The following PLCE1 variants were observed in gnomAD, a reference collection of about 807,000 sequenced individuals.
PLCE1 encodes phospholipase C epsilon 1, also known as 1-phosphatidylinositol 4,5-bisphosphate phosphodiesterase epsilon-1.
Under a neutral mutation model 242.8 loss-of-function variants are expected in PLCE1, and 119 were observed. That is an observed-to-expected ratio of 0.49 (90% CI 0.42 to 0.57). The LOEUF (loss-of-function observed/expected upper bound fraction) is 0.57. Ranked by LOEUF, PLCE1 falls within the 20% of genes least tolerant of loss-of-function variation. The pLI, the probability that PLCE1 is intolerant of heterozygous loss-of-function variation, is 0.00. For synonymous variants in PLCE1, 945 were observed against 1,017.4 expected (o/e 0.93, Z 1.35); for missense variants, 2,441 against 2,788.8 (o/e 0.88, Z 2.81).
At chr10:94,001,511 G>T (rs2060929961) in intron 1 of PLCE1, among the ~76,000 whole-genome samples, 1 of 152,198 alleles carries the variant, frequency 6.6e-6, no homozygotes, top group Non-Finnish European at 1.5e-5. Flanking sequence ...CAGACATAAA[G>T]AGAGACTCTG....
chr10:94,204,639 C>G (rs2049088353), intron 4 of PLCE1, among the ~76,000 whole-genome samples: 1 of 151,508 alleles, frequency 6.6e-6, no homozygotes, highest in African/African-American at 2.4e-5. Flanking sequence ...TGCACTTCAG[C>G]CTGGGTGACA....
intron 16 of PLCE1, 65 bp downstream of exon 16, chr10:94,266,023 T>G: frequency 6.6e-7 from 1 of 1,522,760 alleles, no homozygotes; most frequent in Non-Finnish European, 9.1e-7. Context: ...ACCCCCAAAG[T>G]CAAAAAAACC....
intron 2 of PLCE1, chr10:94,099,675 A>G (rs890965984): frequency 6.6e-6 from 1 of 152,220 alleles, no homozygotes; most frequent in African/African-American, 2.4e-5. Flanking sequence ...TATTATATCA[A>G]TGGTTGAACA....
chr10:94,029,736 A>G (rs1172566766), intron 1 of PLCE1, among the ~76,000 whole-genome samples: 1 of 152,102 alleles, frequency 6.6e-6, no homozygotes, highest in Non-Finnish European at 1.5e-5. Context: ...CTTTGGGAAA[A>G]GAGGGTACGG....
chr10:94,071,240 G>A (rs936833417), intron 2 of PLCE1, among the ~76,000 whole-genome samples: 13 of 151,968 alleles, frequency 8.6e-5, no homozygotes, highest in Non-Finnish European at 1.6e-4. Flanking sequence ...TCCTGCTTCC[G>A]TGTCCCTCTC....
chr10:94,098,450 A>G (rs1277201529), intron 2 of PLCE1, among the ~76,000 whole-genome samples: 1 of 152,206 alleles, frequency 6.6e-6, no homozygotes, highest in Non-Finnish European at 1.5e-5. Flanking sequence ...TTTAATAAAT[A>G]GAGACTTCAT....
chr10:94,306,652 G>A lies in PLCE1; in HGVS notation c.5848G>A (p.Ala1950Thr). 6.2e-7 allele frequency: 1 copy of A among 1,614,060 alleles called. No homozygotes were observed. Among genetic ancestry groups the A allele is most frequent in the Non-Finnish European group, 8.5e-7 (1 of 1,179,930 alleles). The change falls in exon 26 of 33, where the codon GCT (alanine) becomes ACT (threonine). Residue 1950 changes from alanine to threonine, a missense_variant. Transcript: ENST00000371380. This position sits in a 1 kb window ranked among gnomAD's most constrained non-coding sequence, Gnocchi z 5.7. Reference protein sequence around the residue: ...VVENNSSAVTAQRIIPLKALK... With the variant: ...VVENNSSAVTTQRIIPLKALK... The stretch of plus-strand genomic sequence containing the variant: ...GGAAAACAATAGTTCAGCGGTAACT[G>A]CTCAGAGAATCATTCCACTGAAAGC...
chr10:94,301,326 A>T (rs906058249), intron 24 of PLCE1, among the ~76,000 whole-genome samples: 1 of 152,150 alleles, frequency 6.6e-6, no homozygotes, highest in Non-Finnish European at 1.5e-5. Flanking sequence ...CCTGGGCGAC[A>T]AAGTGAGATA....
chr10:94,122,457 T>A (rs1389624083), intron 2 of PLCE1, among the ~76,000 whole-genome samples: 1 of 152,220 alleles, frequency 6.6e-6, no homozygotes, highest in East Asian at 1.9e-4. Context: ...AATTAGTATC[T>A]CAGACGTGAT....
intron 23 of PLCE1, among the ~76,000 whole-genome samples, chr10:94,296,967 G>A (rs868527635): frequency 2.0e-5 from 3 of 151,872 alleles, no homozygotes; most frequent in South Asian, 2.1e-4. Context: ...TCCACCTCCC[G>A]GGTTCAAGCG....
In PLCE1 at chr10:94,050,851, A is replaced by T. The variant is rs761654454; in HGVS notation, c.1206+18599A>T. On this transcript the variant is annotated intron_variant, in intron 2 of 32. Coordinates refer to ENST00000371380, the MANE Select transcript of PLCE1 (RefSeq NM_016341.4). ...TTCCAAGAGTTTGTTCAATTCAAAGAGATGATTGGCATAACCAACTTGCAT... is the reference window on the plus strand; with the variant it reads ...TTCCAAGAGTTTGTTCAATTCAAAGTGATGATTGGCATAACCAACTTGCAT... Among the ~76,000 whole-genome samples the T allele has an allele frequency of 2.0e-5, 3 of 152,216 alleles. No homozygotes were observed. In the South Asian group the frequency reaches 6.2e-4, roughly 32 times the overall value.
At position 94,302,271 on chromosome 10, in the gene PLCE1, G is replaced by A. The variant is rs182922547; in HGVS notation, c.5459-2211G>A. Among the ~76,000 whole-genome samples, 45 of 152,250 alleles carry A rather than the reference G, an allele frequency of 3.0e-4. 1 individual carries two copies. The highest frequency in any genetic ancestry group is 1.0e-3 in the African/African-American group (43 of 41,532). ...GCATTAGGGGAAAGAGCTGATGCAC[G>A]CTGGGTTTAATACCTAGGGGTTGGG... On this transcript the variant is annotated intron_variant, in intron 24 of 32. Coordinates refer to ENST00000371380, the MANE Select transcript of PLCE1 (RefSeq NM_016341.4).
At chr10:94,199,078 G>T (rs569884527) in intron 4 of PLCE1, among the ~76,000 whole-genome samples, 47 of 152,134 alleles carry the variant, frequency 3.1e-4, no homozygotes, top group African/African-American at 1.1e-3. Context: ...AAATCCCTCA[G>T]TGTTACTGTA....
chr10:94,323,838 A>G (rs887965278), intron 30 of PLCE1, among the ~76,000 whole-genome samples: 17 of 152,234 alleles, frequency 1.1e-4, no homozygotes, highest in African/African-American at 4.1e-4. Context: ...TAATGAATTA[A>G]CAAATGCATC....
chr10:94,324,431 A>G lies in PLCE1; in HGVS notation c.6584A>G (p.Lys2195Arg), dbSNP rs976045617. Reference sequence around the variant, plus strand: ...TATGTGCTTTTGGAAGAGGTGGTGAAAGACACTACCAACAAGAAGACTACC... The same window carrying G: ...TATGTGCTTTTGGAAGAGGTGGTGAGAGACACTACCAACAAGAAGACTACC... ...SDYVLLEEVV[K>R]DTTNKKTTTP... Residue 2195 changes from lysine (K) to arginine (R), a missense_variant, in exon 31 of 33, where the codon AAA (lysine) becomes AGA (arginine). Lys to Arg is a conservative substitution (Grantham distance 26, BLOSUM62 2). Around this residue, in one of 5 missense-constraint regions of PLCE1, gnomAD observed 310 missense variants for 317.2 expected, o/e 0.98. Coordinates refer to ENST00000371380, the MANE Select transcript of PLCE1 (RefSeq NM_016341.4). The G allele has an allele frequency of 1.2e-5, 20 of 1,613,994 alleles. No homozygotes were observed. The highest frequency in any genetic ancestry group is 1.7e-5 in the Non-Finnish European group (20 of 1,179,982).
chr10:94,248,519 G>A (rs1030311677), intron 8 of PLCE1, among the ~76,000 whole-genome samples: 10 of 152,184 alleles, frequency 6.6e-5, no homozygotes, highest in South Asian at 2.1e-4. Flanking sequence ...GAGCCTGGGA[G>A]ATGGAGGTTG....
Position 94,171,433 on chromosome 10 carries a change from G to C in PLCE1, c.1746G>C (p.Ser582=), listed in dbSNP as rs770246086. ...LPCLKASISA[S]ILTTQNGEHN... ...GCCTCAAAGCATCCATCTCAGCGTC[G>C]ATTCTTACCACTCAGAATGGAGAGC... Residue 582 remains serine (S), a synonymous_variant, in exon 4 of 33, where the codon TCG becomes TCC. Transcript: ENST00000371380. The C allele has an allele frequency of 1.2e-6, 2 of 1,614,176 alleles. No homozygotes were observed. Among genetic ancestry groups the C allele is most frequent in the South Asian group, 1.1e-5 (1 of 91,082 alleles).
chr10:94,149,798 C>T (rs1355697117), intron 3 of PLCE1, among the ~76,000 whole-genome samples: 1 of 152,130 alleles, frequency 6.6e-6, no homozygotes, highest in Admixed American at 6.5e-5. Context: ...CTCAGATTGA[C>T]CAGAAGGAAG....
intron 2 of PLCE1, among the ~76,000 whole-genome samples, chr10:94,084,697 A>C (rs2044753712): frequency 1.3e-5 from 2 of 152,324 alleles, no homozygotes; most frequent in Admixed American, 1.3e-4. Flanking sequence ...ATTTGGAGCC[A>C]GGGAAAAATT....
Sources: gnomAD v4.1 joint callset for allele counts (sites outside exome capture counted in the v4.1 genomes callset) on GRCh38, gnomAD v4.1.1 for gene constraint, gnomAD v4.1.1 regional missense constraint, Gnocchi (gnomAD v3.1) non-coding constraint, MANE v1.5 for transcripts, NCBI Gene and HGNC (gene_info 2026-07-23, HGNC 2026-07-21) for gene names.